SLC8A1: variants seen among roughly 807,000 people sequenced by gnomAD.
The protein encoded by SLC8A1 is solute carrier family 8 member A1, also known as sodium/calcium exchanger 1.
Under a neutral mutation model 68.3 loss-of-function variants are expected in SLC8A1, and 18 were observed. The ratio of observed to expected loss-of-function variants is 0.26; its 90% confidence interval spans 0.18 to 0.39. The LOEUF is 0.39. SLC8A1 is among the 10% of genes least tolerant of loss of function. SLC8A1 has a pLI of 1.00. For synonymous variants in SLC8A1, 475 were observed against 415.5 expected (o/e 1.14, Z -1.74); for missense variants, 985 against 1,156.7 (o/e 0.85, Z 2.15).
intron 1 of SLC8A1, among the ~76,000 whole-genome samples, chr2:40,430,916 A>C (rs528646177): frequency 3.9e-5 from 6 of 152,336 alleles, no homozygotes; most frequent in African/African-American, 1.4e-4. Context: ...ACTTACTTGG[A>C]AACAAAACTT....
chr2:40,433,992 G>C (rs1001086149), intron 1 of SLC8A1, among the ~76,000 whole-genome samples: 1 of 152,146 alleles, frequency 6.6e-6, no homozygotes, highest in South Asian at 2.1e-4. Context: ...CCTAGAGACA[G>C]CTGCCCTTCA....
intron 7 of SLC8A1, among the ~76,000 whole-genome samples, chr2:40,137,538 C>A (rs2148268073): frequency 6.6e-6 from 1 of 152,214 alleles, no homozygotes; most frequent in East Asian, 1.9e-4. Flanking sequence ...ACATATTTTC[C>A]TATAATTACC....
chr2:40,333,280 T>C (rs1480579886), intron 2 of SLC8A1, among the ~76,000 whole-genome samples: 8 of 151,582 alleles, frequency 5.3e-5, no homozygotes, highest in Non-Finnish European at 1.0e-4. Context: ...CTACTAAAAA[T>C]ACGAAAAATT....
chr2:40,244,593 C>T (rs746029023), intron 2 of SLC8A1, among the ~76,000 whole-genome samples: 2,063 of 148,158 alleles, frequency 0.014, 19 homozygotes, highest in Non-Finnish European at 0.021. Flanking sequence ...AAAAATGCAC[C>T]AAACCCCACA....
chr2:40,511,650 A>C (rs918941344), intron 1 of SLC8A1, among the ~76,000 whole-genome samples: 2 of 152,152 alleles, frequency 1.3e-5, no homozygotes, highest in Admixed American at 1.3e-4. Flanking sequence ...AATCTTTGGA[A>C]ACATTTCCTC....
intron 2 of SLC8A1, among the ~76,000 whole-genome samples, chr2:40,397,011 T>C (rs1318856771): frequency 2.6e-5 from 4 of 152,268 alleles, no homozygotes; most frequent in South Asian, 2.1e-4. Context: ...TGTCTAAATA[T>C]TGCTTAACTG....
chr2:40,197,539 A>G (rs545990448), intron 2 of SLC8A1, among the ~76,000 whole-genome samples: 2 of 152,128 alleles, frequency 1.3e-5, no homozygotes, highest in East Asian at 3.9e-4. Context: ...TTACGATAAA[A>G]TTAGGTGCTT....
chr2:40,221,782 A>G (rs931281347), intron 2 of SLC8A1, among the ~76,000 whole-genome samples: 2 of 152,208 alleles, frequency 1.3e-5, no homozygotes, highest in African/African-American at 4.8e-5. Flanking sequence ...CAATTGCTAC[A>G]AAGAGAATAA....
exon 2 of SLC8A1, chr2:40,429,831 G>T: frequency 6.2e-7 from 1 of 1,613,626 alleles, no homozygotes; most frequent in Non-Finnish European, 8.5e-7. Flanking sequence ...TTACTGAAAG[G>T]AGAATCTCAG....
intron 2 of SLC8A1, among the ~76,000 whole-genome samples, chr2:40,405,974 T>C (rs1334233149): frequency 6.6e-6 from 1 of 152,216 alleles, no homozygotes; most frequent in Non-Finnish European, 1.5e-5. Context: ...ACTATAATCT[T>C]CACAAAATCA....
chr2:40,110,357 C>T (rs574199358), exon 8 of SLC8A1: 1 of 152,196 alleles, frequency 6.6e-6, no homozygotes, highest in East Asian at 1.9e-4. Flanking sequence ...GGGAAGACAA[C>T]AAGATGGTTA....
chr2:40,401,186 T>G (rs1459252925), intron 2 of SLC8A1, among the ~76,000 whole-genome samples: 2 of 152,224 alleles, frequency 1.3e-5, no homozygotes, highest in Non-Finnish European at 2.9e-5. Context: ...AAGACATTTC[T>G]CTGTGGCATG....
chr2:40,439,818 AG>A, intron 1 of SLC8A1, among the ~76,000 whole-genome samples: 1 of 152,268 alleles, frequency 6.6e-6, no homozygotes, highest in East Asian at 1.9e-4. Flanking sequence ...GGAAGTAAAA[AG>A]AAACATATTT....
chr2:40,339,925 T>G (rs181160795), intron 2 of SLC8A1, among the ~76,000 whole-genome samples: 2 of 152,344 alleles, frequency 1.3e-5, no homozygotes, highest in African/African-American at 4.8e-5. Flanking sequence ...CAAATTCAGG[T>G]GACAAAGCTA....
intron 2 of SLC8A1, among the ~76,000 whole-genome samples, chr2:40,330,970 AAAGACAATAAATAC>A (rs1269405949): frequency 6.6e-6 from 1 of 152,228 alleles, no homozygotes; most frequent in African/African-American, 2.4e-5. Flanking sequence ...AAACGTCTCA[AAAGACAATAAATAC>A]TTTCTTTCTT....
chr2:40,256,789 A>C (rs1405817681), intron 2 of SLC8A1, among the ~76,000 whole-genome samples: 1 of 152,180 alleles, frequency 6.6e-6, no homozygotes, highest in Admixed American at 6.5e-5. Flanking sequence ...GCCTGAGGCC[A>C]AGGGTACTTC....
intron 4 of SLC8A1, among the ~76,000 whole-genome samples, chr2:40,165,587 A>C (rs1213476509): frequency 1.3e-5 from 2 of 152,210 alleles, no homozygotes; most frequent in Non-Finnish European, 2.9e-5. Flanking sequence ...GTGCTGCTTC[A>C]GTCTGGTGCA....
At chr2:40,314,543 C>T (rs983722267) in intron 2 of SLC8A1, among the ~76,000 whole-genome samples, 17 of 151,616 alleles carry the variant, frequency 1.1e-4, no homozygotes, top group Non-Finnish European at 2.2e-4. Flanking sequence ...AAAAAAAATG[C>T]TTATTGGGAT....
intron 2 of SLC8A1, among the ~76,000 whole-genome samples, chr2:40,285,829 A>C (rs2149207892): frequency 6.6e-6 from 1 of 152,324 alleles, no homozygotes; most frequent in South Asian, 2.1e-4. Flanking sequence ...TGTGCATAAA[A>C]AATATATATT....
Sources: allele counts gnomAD v4.1 joint callset (sites outside exome capture counted in the v4.1 genomes callset), GRCh38; gene constraint gnomAD v4.1.1; transcripts MANE v1.5; gene names NCBI Gene and HGNC (gene_info 2026-07-23, HGNC 2026-07-21).